Variants in KCNH3 observed in about 807,000 individuals in gnomAD.
KCNH3 encodes the protein potassium voltage-gated channel subfamily H member 3, also known as voltage-gated inwardly rectifying potassium channel KCNH3.
A neutral mutation model predicts 95.6 loss-of-function variants in KCNH3; 36 were observed. The observed-to-expected ratio is 0.38, with a 90% CI of 0.29 to 0.50. KCNH3 has a LOEUF of 0.50. Ranked by LOEUF, KCNH3 falls within the 20% of genes least tolerant of loss-of-function variation. KCNH3 has a pLI of 0.95. For synonymous variants in KCNH3, 620 were observed against 646.3 expected, an observed-to-expected ratio of 0.96 and a Z score of 0.62; for missense variants, 1,030 against 1,484.1, an observed-to-expected ratio of 0.69 and a Z score of 5.03.
intron 9 of KCNH3, 101 bp downstream of exon 9, chr12:49,549,741 G>T: frequency 2.6e-6 from 3 of 1,155,324 alleles, no homozygotes; most frequent in Non-Finnish European, 2.5e-6. Context: ...CAGAATTTTG[G>T]CCCCTGTGCC....
chr12:49,558,233 C>T lies in KCNH3; in HGVS notation c.*280C>T, dbSNP rs934704263. The T allele has an allele frequency of 5.1e-6, 2 of 395,766 alleles. No homozygotes were observed. The highest frequency in any genetic ancestry group is 4.1e-5 in the African/African-American group (2 of 48,384). The allele number at this position is 395,766 out of a possible 1,614,324, so 24.5% of individuals were successfully genotyped here. ...AGGACAAGGAAGAGCTTTGCCATCCCCTGCATGTGCCCCTGCCTCTACCTG... is the reference window on the plus strand; with the variant it reads ...AGGACAAGGAAGAGCTTTGCCATCCTCTGCATGTGCCCCTGCCTCTACCTG... On this transcript the variant is annotated 3_prime_UTR_variant, in exon 15 of 15. Transcript: ENST00000257981.
At chr12:49,556,141 T>C in intron 12 of KCNH3, 190 bp downstream of exon 12, 1 of 596,054 alleles carries the variant, frequency 1.7e-6, no homozygotes, top group East Asian at 2.8e-5. Context: ...CTGTGTGGTG[T>C]GTGGCACACG....
intron 8 of KCNH3, 41 bp downstream of exon 8, chr12:49,549,214 A>C (rs987348583): frequency 3.2e-6 from 5 of 1,540,556 alleles, no homozygotes; most frequent in Admixed American, 1.9e-5. Flanking sequence ...CCACTCCCAG[A>C]CTTCTGCCCG....
At chr12:49,543,006 A>C (rs114979427) in intron 4 of KCNH3, among the ~76,000 whole-genome samples, 167 bp downstream of exon 4, 73 of 152,298 alleles carry the variant, frequency 4.8e-4, no homozygotes, top group African/African-American at 1.7e-3. Flanking sequence ...GATCCATCAG[A>C]AGAAAGTCCT....
chr12:49,554,496 G>T lies in KCNH3; in HGVS notation c.2078G>T (p.Ser693Ile). The stretch of plus-strand genomic sequence containing the variant: ...TACCCCGAGTTTGCCCCGCGCTTCA[G>T]TCGTGGCCTCCGAGGGGAGCTCAGC... Reference protein sequence around the residue: ...ALYPEFAPRFSRGLRGELSYN... With the variant: ...ALYPEFAPRFIRGLRGELSYN... Residue 693 changes from serine (S) to isoleucine (I), a missense_variant, in exon 11 of 15, where the codon AGT (serine) becomes ATT (isoleucine). Physicochemically the swap from Ser to Ile is moderately radical, Grantham distance 142. Around this residue, in one of 9 missense-constraint regions of KCNH3, gnomAD observed 160 missense variants for 316.2 expected, o/e 0.51. Coordinates refer to ENST00000257981, the MANE Select transcript of KCNH3 (RefSeq NM_012284.3). 1 of 1,613,802 alleles carries T rather than the reference G, an allele frequency of 6.2e-7. No individual in the cohort carries two copies. The highest frequency in any genetic ancestry group is 1.1e-5 in the South Asian group (1 of 91,086).
In KCNH3 at chr12:49,544,356, G is replaced by A; in HGVS notation, c.1163G>A (p.Ser388Asn). 2.5e-6 allele frequency: 4 copies of A among 1,613,538 alleles called. No individual in the cohort carries two copies. The highest frequency in any genetic ancestry group is 3.4e-6 in the Non-Finnish European group (4 of 1,180,032). The stretch of plus-strand genomic sequence containing the variant: ...TACATTGGCCAGCGGGAGATCGAGA[G>A]CAGCGAATCCGAGCTGCCTGAGATT... ...WFYIGQREIE[S>N]SESELPEIGW... is the part of the protein sequence containing the mutation. The change falls in exon 7 of 15, where the codon AGC becomes AAC. Residue 388 changes from serine (S) to asparagine (N), a missense_variant. Coordinates refer to ENST00000257981, the MANE Select transcript of KCNH3 (RefSeq NM_012284.3).
chr12:49,549,401 C>A (rs1365444138), intron 8 of KCNH3, 40 bp from the exon 9 acceptor site: 22 of 1,602,866 alleles, frequency 1.4e-5, no homozygotes, highest in Non-Finnish European at 1.9e-5. Flanking sequence ...CAGGCCGGGC[C>A]AGGTCCCCTA....
At chr12:49,554,252 G>A (rs1811304061) in intron 10 of KCNH3, 85 bp from the exon 11 acceptor site, 4 of 1,089,258 alleles carry the variant, frequency 3.7e-6, no homozygotes, top group Admixed American at 3.4e-5. Flanking sequence ...CAGCTCTGAA[G>A]GGAATCTCAG....
rs1473980204 is a variant in KCNH3, at chr12:49,557,482, C to A, written c.2781C>A (p.Cys927Ter). 1 of 1,611,360 alleles carries A rather than the reference C, an allele frequency of 6.2e-7. No individual in the cohort carries two copies. The highest frequency in any genetic ancestry group is 8.5e-7 in the Non-Finnish European group (1 of 1,179,610). The part of the protein sequence containing the change: ...PCPRASGEGP[C>*]PASTSGLLQP... The stretch of plus-strand genomic sequence containing the variant: ...CTCGGGCATCGGGAGAGGGGCCGTG[C>A]CCAGCCAGCACCTCCGGGCTTCTGC... Residue 927 changes from cysteine (C) to a stop codon, truncating the protein, a stop_gained, in exon 15 of 15, where the codon TGC (cysteine) becomes TGA (stop). Coordinates refer to ENST00000257981, the MANE Select transcript of KCNH3 (RefSeq NM_012284.3). LOFTEE classifies it high-confidence loss of function.
chr12:49,546,442 T>C (rs982668681), intron 7 of KCNH3, among the ~76,000 whole-genome samples: 1 of 151,190 alleles, frequency 6.6e-6, no homozygotes, highest in Non-Finnish European at 1.5e-5. Context: ...GAGGTGAGGC[T>C]GAGGTGGGGG....
chr12:49,546,674 C>T (rs1938072748), intron 7 of KCNH3, among the ~76,000 whole-genome samples: 1 of 152,210 alleles, frequency 6.6e-6, no homozygotes, highest in African/African-American at 2.4e-5. Context: ...GGGACAGCTC[C>T]TGCTGGCCTG....
In KCNH3 at chr12:49,557,186, G is replaced by A; in HGVS notation, c.2579G>A (p.Ser860Asn). Residue 860 changes from serine (S) to asparagine (N), a missense_variant, in exon 14 of 15, where the codon AGC (serine) becomes AAC (asparagine). This residue lies in a region of KCNH3 where 464 missense variants were observed against 493.2 expected (regional missense o/e 0.94). Transcript: ENST00000257981. ...AACCCCATCCTACTACCCACAGAGA[G>A]CGGCCTGCTCACTGTTCCCCATGGG... ...CSSSPSPGPE[S>N]GLLTVPHGPS... The A allele has an allele frequency of 1.9e-6, 3 of 1,614,004 alleles. No individual in the cohort carries two copies. Among genetic ancestry groups the A allele is most frequent in the Non-Finnish European group, 2.5e-6 (3 of 1,179,978 alleles).
intron 2 of KCNH3, 84 bp downstream of exon 2, chr12:49,541,216 T>C: frequency 1.0e-6 from 1 of 969,762 alleles, no homozygotes; most frequent in Non-Finnish European, 1.6e-6. Flanking sequence ...CCTCCTCCTT[T>C]CTGTTGCCAT....
Position 49,555,764 on chromosome 12 carries a change from T to G in KCNH3, c.2281T>G (p.Ser761Ala). ...CCTGCTGTCCCCTGGCTGCACCTCC[T>G]CATCCTCAGCTGCCAAGCTGCTATC... ...SPLLSPGCTSSSSAAKLLSPR... is the reference protein window; with the variant it reads ...SPLLSPGCTSASSAAKLLSPR... Residue 761 changes from serine to alanine, a missense_variant, in exon 12 of 15, where the codon TCA (serine) becomes GCA (alanine). By Grantham distance (99) the Ser-to-Ala change is moderately conservative. Coordinates refer to ENST00000257981, the MANE Select transcript of KCNH3 (RefSeq NM_012284.3). 3 of 1,613,568 alleles carry G rather than the reference T, an allele frequency of 1.9e-6. No individual in the cohort carries two copies. The highest frequency in any genetic ancestry group is 2.5e-6 in the Non-Finnish European group (3 of 1,179,870).
rs151177529 is a variant in KCNH3 at position 49,547,385 on chromosome 12, C to A, written c.1190-1510C>A. On this transcript the variant is annotated intron_variant, in intron 7 of 14. Transcript: ENST00000257981. ...AAAATATCAGTCTCCAGGTTTGGCT[C>A]GTGCCTGTCCCTCCACCAGGAATGA... Among the ~76,000 whole-genome samples the A allele has an allele frequency of 1.9e-4, 29 of 152,346 alleles. No homozygotes were observed. In the East Asian group the frequency reaches 5.6e-3, roughly 29 times the overall value.
chr12:49,546,974 A>C (rs962479466), intron 7 of KCNH3, among the ~76,000 whole-genome samples: 2 of 152,198 alleles, frequency 1.3e-5, no homozygotes, highest in African/African-American at 4.8e-5. Flanking sequence ...GGCTCACTGC[A>C]ACCTCCGCCT....
Position 49,557,760 on chromosome 12 carries a change from C to G in KCNH3, c.3059C>G (p.Pro1020Arg). 6.2e-7 allele frequency: 1 copy of G among 1,612,844 alleles called. No individual in the cohort carries two copies. ...CCCAGCACCCCTGCCTCCCCTCCTC[C>G]TTCTGAGGAAGGGGCTAGGACTGGG... is the stretch of plus-strand genomic sequence containing the variant. ...SEPSTPASPP[P>R]SEEGARTGPA... The change falls in exon 15 of 15, where the codon CCT (proline) becomes CGT (arginine). Residue 1020 changes from proline (P) to arginine (R), a missense_variant. Transcript: ENST00000257981.
intron 10 of KCNH3, among the ~76,000 whole-genome samples, chr12:49,550,562 G>A (rs1460850919): frequency 6.6e-6 from 1 of 152,228 alleles, no homozygotes; most frequent in East Asian, 1.9e-4. Context: ...GGCCGAGCGA[G>A]TGGAGGGCCA....
Position 49,554,423 on chromosome 12 carries a change from G to A in KCNH3, c.2005G>A (p.Val669Ile), listed in dbSNP as rs370443660. ...CGACGTGAAGGGGCTGACGTACTGC[G>A]TCCTGCAGTGTCTGCAGCTGGCTGG... ...NADVKGLTYC[V>I]LQCLQLAGLH... The change falls in exon 11 of 15, where the codon GTC becomes ATC. Residue 669 changes from valine to isoleucine, a missense_variant. By Grantham distance (29) the Val-to-Ile change is conservative. Coordinates refer to ENST00000257981, the MANE Select transcript of KCNH3 (RefSeq NM_012284.3). The A allele has an allele frequency of 1.5e-5, 24 of 1,613,054 alleles. No individual in the cohort carries two copies. Among genetic ancestry groups the A allele is most frequent in the Non-Finnish European group, 1.9e-5 (22 of 1,180,034 alleles).
Sources: gnomAD v4.1 joint callset for allele counts (sites outside exome capture counted in the v4.1 genomes callset) on GRCh38, gnomAD v4.1.1 for gene constraint, gnomAD v4.1.1 regional missense constraint, MANE v1.5 for transcripts, NCBI Gene and HGNC (gene_info 2026-07-23, HGNC 2026-07-21) for gene names.